Variants in FRMD6 observed in about 807,000 individuals in gnomAD.
FRMD6 encodes FERM domain-containing protein 6.
In FRMD6, 37 loss-of-function variants were observed where a neutral mutation model predicts 73.2. That is an observed-to-expected ratio of 0.51 (90% CI 0.39 to 0.66). FRMD6 has a LOEUF of 0.66. FRMD6 is among the 30% of genes least tolerant of loss of function. The probability of loss-of-function intolerance (pLI) is 0.00; values close to 1 mark genes in which losing one functional copy is unlikely to be tolerated. For missense variants in FRMD6, 714 were observed against 780.5 expected (o/e 0.91, Z 1.02); for synonymous variants, 273 against 282.2 (o/e 0.97, Z 0.33).
At chr14:51,672,655 A>T (rs1439089962) in intron 1 of FRMD6, among the ~76,000 whole-genome samples, 1 of 152,076 alleles carries the variant, frequency 6.6e-6, no homozygotes, top group Non-Finnish European at 1.5e-5. Context: ...TTTATCTTTT[A>T]ATTCCATTTT....
chr14:51,662,539 C>G (rs977147527), intron 1 of FRMD6, among the ~76,000 whole-genome samples: 1 of 152,162 alleles, frequency 6.6e-6, no homozygotes, highest in East Asian at 1.9e-4. Context: ...ACAAAACAAG[C>G]AATGGGGAAA....
chr14:51,604,965 A>G (rs1426728288), intron 2 of FRMD6, among the ~76,000 whole-genome samples: 1 of 152,166 alleles, frequency 6.6e-6, no homozygotes, highest in Non-Finnish European at 1.5e-5. Context: ...GTTGAAGTGT[A>G]ATGGCCTATG....
intron 1 of FRMD6, among the ~76,000 whole-genome samples, chr14:51,521,074 C>A (rs1469154223): frequency 2.0e-5 from 3 of 152,062 alleles, no homozygotes; most frequent in Admixed American, 1.3e-4. Context: ...TAATAGAAAG[C>A]AGATCACTGA....
intron 1 of FRMD6, among the ~76,000 whole-genome samples, chr14:51,662,555 C>T (rs1267915053): frequency 2.6e-5 from 4 of 152,144 alleles, no homozygotes; most frequent in Non-Finnish European, 5.9e-5. Context: ...GGAAAGAATT[C>T]CCTATGCATT....
At chr14:51,706,294 C>G (rs1317137410) in intron 6 of FRMD6, among the ~76,000 whole-genome samples, 1 of 152,106 alleles carries the variant, frequency 6.6e-6, no homozygotes, top group Non-Finnish European at 1.5e-5. Context: ...CCTGCTGTTT[C>G]TAGGTTCGTG....
At chr14:51,579,377 A>G (rs769109065) in intron 2 of FRMD6, 1 of 152,114 alleles carries the variant, frequency 6.6e-6, no homozygotes. Flanking sequence ...CTCCCACAGT[A>G]TACCCCAGCT....
intron 1 of FRMD6, among the ~76,000 whole-genome samples, chr14:51,545,190 G>A (rs140846508): frequency 3.3e-5 from 5 of 152,140 alleles, no homozygotes; most frequent in South Asian, 2.1e-4. Flanking sequence ...TCTGTTAACC[G>A]AAGACATGAT....
intron 2 of FRMD6, among the ~76,000 whole-genome samples, chr14:51,633,409 C>T (rs1335309532): frequency 6.6e-6 from 1 of 151,164 alleles, no homozygotes; most frequent in Non-Finnish European, 1.5e-5. Context: ...CAAGACCAGC[C>T]TGGGCAGCAT....
At chr14:51,581,383 C>T (rs1233905501) in intron 2 of FRMD6, among the ~76,000 whole-genome samples, 1 of 152,200 alleles carries the variant, frequency 6.6e-6, no homozygotes, top group Non-Finnish European at 1.5e-5. Context: ...GGCAATTCCC[C>T]ACTCTCAAGT....
At chr14:51,455,970 C>G in the FRMD6 span, among the ~76,000 whole-genome samples, 2 of 152,098 alleles carry the variant, frequency 1.3e-5, no homozygotes, top group Non-Finnish European at 2.9e-5. Flanking sequence ...TGCCTGATCT[C>G]CCTGTTATTT....
intron 1 of FRMD6, among the ~76,000 whole-genome samples, chr14:51,667,941 G>A (rs550675344): frequency 6.6e-6 from 1 of 152,144 alleles, no homozygotes; most frequent in African/African-American, 2.4e-5. Flanking sequence ...GGTGCCTAGA[G>A]AAATGTAAAG....
At chr14:51,632,612 C>G (rs984829402) in intron 2 of FRMD6, among the ~76,000 whole-genome samples, 1 of 152,214 alleles carries the variant, frequency 6.6e-6, no homozygotes, top group African/African-American at 2.4e-5. Flanking sequence ...TTCTCTCCAT[C>G]TCACCCCTCT....
At chr14:51,500,756 ATGTG>A (rs370389521) in intron 1 of FRMD6, among the ~76,000 whole-genome samples, 24 of 150,956 alleles carry the variant, frequency 1.6e-4, no homozygotes, top group African/African-American at 5.8e-4. Flanking sequence ...ATATATACAT[ATGTG>A]TGTGTGTGTG....
At position 51,702,512 on chromosome 14, in the gene FRMD6, G is replaced by A. The variant is rs1360475132; in HGVS notation, c.295G>A (p.Gly99Ser). ...TTTTTGTGTGTGCTTTTGTTTCTAG[G>A]GTATCGACCAATTTGGGCCTCCTAT... ...SKVRQYEVTW[G>S]IDQFGPPMII... The change falls in exon 5 of 14, where the codon GGT (glycine) becomes AGT (serine). Residue 99 changes from glycine to serine, a missense_variant and splice_region_variant. By Grantham distance (56) the Gly-to-Ser change is moderately conservative (BLOSUM62 0). Transcript: ENST00000344768. 6.2e-7 allele frequency: 1 copy of A among 1,610,772 alleles called. No individual in the cohort carries two copies. The highest frequency in any genetic ancestry group is 1.7e-5 in the Admixed American group (1 of 59,784).
chr14:51,486,451 G>A (rs1036714637), upstream of FRMD6, among the ~76,000 whole-genome samples: 1 of 152,174 alleles, frequency 6.6e-6, no homozygotes, highest in East Asian at 1.9e-4. Flanking sequence ...TTCCTGTGTA[G>A]AGTTTTTATG....
chr14:51,419,175 G>A, the FRMD6 span, among the ~76,000 whole-genome samples: 1 of 152,170 alleles, frequency 6.6e-6, no homozygotes, highest in Non-Finnish European at 1.5e-5. Context: ...ATCACCCTCT[G>A]TGGGCTGTGC....
the FRMD6 span, among the ~76,000 whole-genome samples, chr14:51,410,711 A>G: frequency 2.2e-4 from 33 of 152,222 alleles, no homozygotes; most frequent in African/African-American, 7.7e-4. Context: ...ACGTTCATAC[A>G]TTATATGTCT....
intron 1 of FRMD6, among the ~76,000 whole-genome samples, chr14:51,510,990 C>T (rs933585722): frequency 1.3e-5 from 2 of 152,112 alleles, no homozygotes; most frequent in Non-Finnish European, 2.9e-5. Context: ...GCTCCCCGCC[C>T]CCGCCAAGAG....
At chr14:51,529,908 C>G (rs941496783) in intron 1 of FRMD6, among the ~76,000 whole-genome samples, 4 of 152,178 alleles carry the variant, frequency 2.6e-5, no homozygotes, top group Admixed American at 1.3e-4. Flanking sequence ...TGACAAGAAT[C>G]TAAGAGAGAG....
Sources: gnomAD v4.1 joint callset for allele counts (sites outside exome capture counted in the v4.1 genomes callset) on GRCh38, gnomAD v4.1.1 for gene constraint, MANE v1.5 for transcripts, NCBI Gene and HGNC (gene_info 2026-07-23, HGNC 2026-07-21) for gene names.